ASB9: variants seen among roughly 807,000 people sequenced by gnomAD.
ASB9 encodes ankyrin repeat and SOCS box containing 9, also known as ankyrin repeat and SOCS box protein 9.
In ASB9, 5 loss-of-function variants were observed where a neutral mutation model predicts 16.6. That is an observed-to-expected ratio of 0.30 (90% CI 0.16 to 0.63). ASB9 has a LOEUF of 0.63. Ranked by LOEUF, ASB9 falls within the 30% of genes least tolerant of loss-of-function variation. The probability of loss-of-function intolerance (pLI) is 0.82; values close to 1 mark genes in which losing one functional copy is unlikely to be tolerated. For synonymous variants in ASB9, 100 were observed against 86.4 expected (o/e 1.16, Z -0.87); for missense variants, 216 against 229.4 (o/e 0.94, Z 0.38).
intron 5 of ASB9, among the ~76,000 whole-genome samples, chrX:15,249,765 G>C (rs1245156416): frequency 2.7e-5 from 3 of 112,078 alleles, no homozygotes; most frequent in African/African-American, 9.7e-5. Flanking sequence ...TGGGCAGTGG[G>C]GGAGAGACAG....
At chrX:15,247,659 TAGAC>T (rs1924781464) in intron 6 of ASB9, among the ~76,000 whole-genome samples, 1 of 112,598 alleles carries the variant, frequency 8.9e-6, no homozygotes, top group East Asian at 2.8e-4. Flanking sequence ...ATGGGCCTCG[TAGAC>T]ATAGAACTTT....
chrX:15,255,875 T>C (rs1925491136), intron 2 of ASB9, among the ~76,000 whole-genome samples: 1 of 112,065 alleles, frequency 8.9e-6, no homozygotes, highest in Non-Finnish European at 1.9e-5. Context: ...CTAATATAAT[T>C]GCTCTTTAAA....
At chrX:15,247,301 T>C (rs1197023992) in intron 6 of ASB9, among the ~76,000 whole-genome samples, 1 of 111,813 alleles carries the variant, frequency 8.9e-6, no homozygotes, top group African/African-American at 3.3e-5. Context: ...CATAAACTAG[T>C]GGGACCATAG....
chrX:15,266,867 C>T lies in ASB9; in HGVS notation c.94+2914G>A, dbSNP rs188949168. Among the ~76,000 whole-genome samples the T allele has an allele frequency of 7.4e-3, 775 of 104,127 alleles. 3 individuals are homozygous for T. The highest frequency in any genetic ancestry group is 0.026 in the African/African-American group (720 of 27,719). 90.4% of individuals were successfully genotyped at this position (104,127 alleles called of 115,157 possible). On this transcript the variant is annotated intron_variant, in intron 1 of 6. Transcript: ENST00000380488. The stretch of plus-strand genomic sequence containing the variant: ...AGGAGAATGGCGTGAACCCGGGAGG[C>T]GGAGCTTGCAGTGAGCCAAGATTGT...
chrX:15,266,792 C>T (rs778005134), intron 1 of ASB9, among the ~76,000 whole-genome samples: 3 of 107,907 alleles, frequency 2.8e-5, no homozygotes, highest in East Asian at 2.9e-4. Context: ...AAAAATTAGC[C>T]GGGCGTGGTG....
intron 1 of ASB9, among the ~76,000 whole-genome samples, chrX:15,264,984 C>T (rs1032812650): frequency 1.8e-5 from 2 of 111,845 alleles, no homozygotes; most frequent in Non-Finnish European, 3.8e-5. Flanking sequence ...TCTTTGAAAA[C>T]TTCTCTTCCC....
intron 1 of ASB9, among the ~76,000 whole-genome samples, chrX:15,259,500 A>C (rs1429493836): frequency 3.5e-5 from 4 of 112,992 alleles, no homozygotes; most frequent in African/African-American, 1.3e-4. Context: ...TCTCACCTTG[A>C]AACAGGGACA....
chrX:15,269,249 G>T (rs1388434238), intron 1 of ASB9, among the ~76,000 whole-genome samples: 1 of 111,983 alleles, frequency 8.9e-6, no homozygotes, highest in Non-Finnish European at 1.9e-5. Context: ...GTATTTGTGG[G>T]ATTCTGTACA....
intron 6 of ASB9, among the ~76,000 whole-genome samples, chrX:15,248,235 G>C (rs1924826135): frequency 9.0e-6 from 1 of 111,724 alleles, no homozygotes; most frequent in African/African-American, 3.3e-5. Flanking sequence ...CTTACTTATA[G>C]AGAAGTGTGG....
chrX:15,262,840 C>T (rs1382132612), intron 1 of ASB9, among the ~76,000 whole-genome samples: 1 of 111,847 alleles, frequency 8.9e-6, no homozygotes, highest in African/African-American at 3.3e-5. Flanking sequence ...CCATGTTGGC[C>T]AGGCTGGTCT....
intron 3 of ASB9, among the ~76,000 whole-genome samples, chrX:15,253,329 C>T (rs1356983261): frequency 3.6e-5 from 4 of 111,791 alleles, no homozygotes; most frequent in Non-Finnish European, 7.5e-5. Flanking sequence ...CGGTGGCTCA[C>T]ACCTGTAATC....
intron 1 of ASB9, among the ~76,000 whole-genome samples, chrX:15,262,471 T>C (rs1926052520): frequency 8.9e-6 from 1 of 112,347 alleles, no homozygotes; most frequent in African/African-American, 3.2e-5. Flanking sequence ...ACAGTATGCC[T>C]ATGCTCCTGC....
intron 1 of ASB9, among the ~76,000 whole-genome samples, chrX:15,260,859 C>A (rs1435974962): frequency 8.9e-6 from 1 of 112,170 alleles, no homozygotes; most frequent in African/African-American, 3.2e-5. Context: ...CACCTGAAGC[C>A]ATCAGTGCCC....
chrX:15,250,673 C>T, intron 4 of ASB9, 109 bp from the exon 5 acceptor site: 1 of 677,852 alleles, frequency 1.5e-6, no homozygotes, highest in African/African-American at 2.2e-5. Flanking sequence ...ATCCAGGGGA[C>T]CAAAAAGCTA....
intron 1 of ASB9, among the ~76,000 whole-genome samples, chrX:15,260,213 C>T (rs1925863798): frequency 8.9e-6 from 1 of 111,844 alleles, no homozygotes; most frequent in Non-Finnish European, 1.9e-5. Flanking sequence ...AGCCTTGCAA[C>T]ATGGTGAAAC....
chrX:15,249,126 A>G (rs731197), intron 5 of ASB9, among the ~76,000 whole-genome samples, 191 bp from the exon 6 acceptor site: 31,276 of 111,483 alleles, frequency 0.28, 5,126 homozygotes, highest in African/African-American at 0.62. Context: ...AATGTTATTG[A>G]ATGTACAGCA....
At chrX:15,245,364 T>C (rs12855615) in intron 6 of ASB9, among the ~76,000 whole-genome samples, 6,224 of 110,416 alleles carry the variant, frequency 0.056, 227 homozygotes, top group East Asian at 0.21. Flanking sequence ...CCAAGGATGC[T>C]TCTAAAAATC....
upstream of ASB9, chrX:15,270,193 C>T (rs1926874276): frequency 5.2e-6 from 1 of 193,650 alleles, no homozygotes; most frequent in Non-Finnish European, 9.4e-6. Flanking sequence ...GATGTCACGT[C>T]CTTTCCCAAA....
At chrX:15,266,460 A>C (rs925849018) in intron 1 of ASB9, among the ~76,000 whole-genome samples, 29 of 111,534 alleles carry the variant, frequency 2.6e-4, no homozygotes, top group Non-Finnish European at 3.8e-5. Flanking sequence ...GACCTCCTCC[A>C]CTTAGCTCTT....
Sources: gnomAD v4.1 joint callset for allele counts (sites outside exome capture counted in the v4.1 genomes callset) on GRCh38, gnomAD v4.1.1 for gene constraint, MANE v1.5 for transcripts, NCBI Gene and HGNC (gene_info 2026-07-23, HGNC 2026-07-21) for gene names.